The following DOK6 variants were observed in gnomAD, a reference collection of about 807,000 sequenced individuals.
The protein encoded by DOK6 is downstream of tyrosine kinase 6.
In DOK6, 22 loss-of-function variants were observed where a neutral mutation model predicts 44.0. That is an observed-to-expected ratio of 0.50 (90% CI 0.36 to 0.71). The LOEUF (loss-of-function observed/expected upper bound fraction) is 0.71. Among genes scored for constraint, DOK6 ranks in the 30% least tolerant of loss-of-function variants. The pLI is 0.00. For synonymous variants in DOK6, 166 were observed against 145.5 expected, an observed-to-expected ratio of 1.14 and a Z score of -1.01; for missense variants, 340 against 416.4, an observed-to-expected ratio of 0.82 and a Z score of 1.60.
intron 7 of DOK6, among the ~76,000 whole-genome samples, chr18:69,820,279 C>T (rs1022258173): frequency 1.8e-4 from 28 of 152,248 alleles, no homozygotes; most frequent in African/African-American, 6.7e-4. Flanking sequence ...CTTTAATGAA[C>T]AAAAATTATT....
At chr18:69,830,594 G>T (rs1167294103) in intron 7 of DOK6, among the ~76,000 whole-genome samples, 1 of 152,110 alleles carries the variant, frequency 6.6e-6, no homozygotes, top group Non-Finnish European at 1.5e-5. Context: ...AATAAATGTG[G>T]CTGAAGCTAC....
At chr18:69,700,094 T>C (rs1382092376) in intron 5 of DOK6, among the ~76,000 whole-genome samples, 1 of 151,876 alleles carries the variant, frequency 6.6e-6, no homozygotes, top group African/African-American at 2.4e-5. Context: ...ACTGCCCCCA[T>C]GATTCAGTTA....
intron 1 of DOK6, among the ~76,000 whole-genome samples, chr18:69,463,997 T>G (rs545286653): frequency 1.7e-3 from 261 of 152,312 alleles, no homozygotes; most frequent in Non-Finnish European, 3.3e-3. Context: ...TTACTTAAAT[T>G]GCTCCCTCCT....
At chr18:69,730,815 TG>T (rs1277087406) in intron 5 of DOK6, among the ~76,000 whole-genome samples, 4 of 152,140 alleles carry the variant, frequency 2.6e-5, no homozygotes, top group African/African-American at 9.7e-5. Flanking sequence ...AATTAAAAAT[TG>T]GTAGTTTAGG....
intron 2 of DOK6, among the ~76,000 whole-genome samples, chr18:69,575,547 A>T (rs1300539074): frequency 4.6e-5 from 7 of 152,106 alleles, no homozygotes; most frequent in African/African-American, 1.7e-4. Flanking sequence ...TTCCGAGATT[A>T]TTGAGAGCTA....
intron 1 of DOK6, among the ~76,000 whole-genome samples, chr18:69,462,830 C>G (rs897572358): frequency 6.6e-6 from 1 of 152,088 alleles, no homozygotes; most frequent in Non-Finnish European, 1.5e-5. Flanking sequence ...AACTCTGTAC[C>G]GAAGTAACTC....
At chr18:69,705,571 A>C (rs1307408497) in intron 5 of DOK6, among the ~76,000 whole-genome samples, 1 of 152,188 alleles carries the variant, frequency 6.6e-6, no homozygotes, top group Non-Finnish European at 1.5e-5. Context: ...GCTGCTTTTT[A>C]CCTTGACATA....
At chr18:69,544,170 A>G (rs1255794216) in intron 1 of DOK6, among the ~76,000 whole-genome samples, 13 of 151,210 alleles carry the variant, frequency 8.6e-5, no homozygotes, top group Non-Finnish European at 1.9e-4. Flanking sequence ...AGGCAGGAGA[A>G]TCACTTGAAC....
chr18:69,467,236 G>A (rs1173944487), intron 1 of DOK6, among the ~76,000 whole-genome samples: 1 of 152,122 alleles, frequency 6.6e-6, no homozygotes, highest in Non-Finnish European at 1.5e-5. Flanking sequence ...CTAAAGAGAA[G>A]AGGTCATTTG....
intron 3 of DOK6, among the ~76,000 whole-genome samples, chr18:69,604,635 A>G (rs1015693084): frequency 1.3e-5 from 2 of 152,108 alleles, no homozygotes; most frequent in East Asian, 1.9e-4. Context: ...GATTTTTTTT[A>G]ATTGTCTCAA....
At position 69,565,149 on chromosome 18, in the gene DOK6, T is replaced by C. The variant is rs554330626; in HGVS notation, c.174+555T>C. On this transcript the variant is annotated intron_variant, in intron 2 of 7. Transcript: ENST00000382713. Reference sequence around the variant, plus strand: ...AAAATGACGCTAAATATATCTTTCATGATAACATCAAAACACAGCTAGGTA... The same window carrying C: ...AAAATGACGCTAAATATATCTTTCACGATAACATCAAAACACAGCTAGGTA... 2.6e-5 allele frequency among the ~76,000 whole-genome samples: 4 copies of C among 152,278 alleles called. No homozygotes were observed. The East Asian group carries it at 7.7e-4, about 29-fold the overall frequency.
chr18:69,465,553 A>G (rs1039786169), intron 1 of DOK6, among the ~76,000 whole-genome samples: 1 of 151,218 alleles, frequency 6.6e-6, no homozygotes, highest in Non-Finnish European at 1.5e-5. Context: ...GAGAATATGC[A>G]GTGTTTGTTT....
intron 3 of DOK6, among the ~76,000 whole-genome samples, chr18:69,653,981 T>A (rs776583748): frequency 2.6e-5 from 4 of 152,062 alleles, no homozygotes; most frequent in Admixed American, 6.5e-5. Flanking sequence ...ATTAACATGC[T>A]CAAAATATGA....
chr18:69,488,721 C>T (rs1258728893), intron 1 of DOK6, among the ~76,000 whole-genome samples: 1 of 152,136 alleles, frequency 6.6e-6, no homozygotes, highest in Non-Finnish European at 1.5e-5. Flanking sequence ...AAAAACCTGC[C>T]TCCATGATTC....
At chr18:69,649,544 T>G (rs183980631) in intron 3 of DOK6, among the ~76,000 whole-genome samples, 237 of 152,302 alleles carry the variant, frequency 1.6e-3, no homozygotes, top group African/African-American at 5.5e-3. Context: ...AGAATTCATA[T>G]TACTATGAAG....
intron 3 of DOK6, among the ~76,000 whole-genome samples, chr18:69,657,169 C>T (rs1396560893): frequency 2.0e-5 from 3 of 152,142 alleles, no homozygotes; most frequent in Non-Finnish European, 2.9e-5. Context: ...ACAGGATCCA[C>T]AGTGATAGAA....
intron 3 of DOK6, among the ~76,000 whole-genome samples, chr18:69,646,149 A>G (rs917467958): frequency 6.6e-6 from 1 of 152,178 alleles, no homozygotes; most frequent in Non-Finnish European, 1.5e-5. Flanking sequence ...TGTAGATTTG[A>G]GTTCCTTGAT....
chr18:69,581,022 A>T (rs1983356715), intron 2 of DOK6, among the ~76,000 whole-genome samples: 1 of 152,190 alleles, frequency 6.6e-6, no homozygotes, highest in African/African-American at 2.4e-5. Flanking sequence ...TAAATTCAGA[A>T]TTATTTTCTT....
At chr18:69,657,424 G>A (rs1485209399) in intron 3 of DOK6, among the ~76,000 whole-genome samples, 2 of 152,180 alleles carry the variant, frequency 1.3e-5, no homozygotes, top group Non-Finnish European at 2.9e-5. Flanking sequence ...GTCCCAGAAT[G>A]AGAGAAGCTG....
Sources: allele counts gnomAD v4.1 joint callset (sites outside exome capture counted in the v4.1 genomes callset), GRCh38; gene constraint gnomAD v4.1.1; transcripts MANE v1.5; gene names NCBI Gene and HGNC (gene_info 2026-07-23, HGNC 2026-07-21).